Variants in VPS13C observed in about 807,000 individuals in gnomAD.
The protein encoded by VPS13C is vacuolar protein sorting 13 homolog C, also known as intermembrane lipid transfer protein VPS13C.
VPS13C carries 358 observed loss-of-function variants against 456.8 expected under a neutral mutation model. The ratio of observed to expected loss-of-function variants is 0.78; its 90% CI spans 0.72 to 0.86. The LOEUF is 0.86. Ranked by LOEUF, VPS13C falls within the 40% of genes least tolerant of loss-of-function variation. The pLI, the probability that VPS13C is intolerant of heterozygous loss-of-function variation, is 0.00. For missense variants in VPS13C, 4,818 were observed against 4,385.4 expected (o/e 1.10, Z -2.79); for synonymous variants, 1,578 against 1,486.7 (o/e 1.06, Z -1.41).
At chr15:61,868,089 A>T (rs1308676549) in intron 81 of VPS13C, 1 of 630,176 alleles carries the variant, frequency 1.6e-6, no homozygotes, top group African/African-American at 1.9e-5. Context: ...ATATTAATAC[A>T]TTTCTTTTGG....
chr15:61,962,015 C>A, intron 34 of VPS13C, 122 bp from the exon 35 acceptor site: 1 of 1,101,846 alleles, frequency 9.1e-7, no homozygotes, highest in Non-Finnish European at 1.3e-6. Context: ...TCCATTGAGC[C>A]CTATTTTTCT....
In VPS13C at chr15:61,978,770, C is replaced by G. The variant is rs772785547; in HGVS notation, c.2167-21G>C. 1.9e-6 allele frequency: 3 copies of G among 1,564,800 alleles called. No homozygotes were observed. In the South Asian group the frequency reaches 3.7e-5, roughly 19 times the overall value. On this transcript the variant is annotated intron_variant, in intron 22 of 84. Transcript: ENST00000644861. ...TTGAGCTAAAATGAAGGACAAATTT[C>G]AATTTTTTTTTCCAAAACAGAAAAG...
At chr15:61,990,301 C>A (rs2046184918) in intron 18 of VPS13C, among the ~76,000 whole-genome samples, 2 of 151,974 alleles carry the variant, frequency 1.3e-5, no homozygotes, top group Non-Finnish European at 2.9e-5. Flanking sequence ...AAGGTGACAG[C>A]AATATTCTAA....
rs749298187 is a variant in VPS13C at position 61,959,449 on chromosome 15, T to G, written c.4055A>C (p.Asn1352Thr). ...TTTTTTCTTCACTCATATACTTACA[T>G]TCATTGAATCAAGATGTCCTTTAAT... ...VEIKGHLDSMNVSLNQEDLNL... is the reference protein window; with the variant it reads ...VEIKGHLDSMTVSLNQEDLNL... The change falls in exon 36 of 85, where the codon AAT becomes ACT. Residue 1352 changes from asparagine to threonine, a missense_variant and splice_region_variant. By Grantham distance (65) the Asn-to-Thr change is moderately conservative. Around this residue, in one of 3 missense-constraint regions of VPS13C, gnomAD observed 4,552 missense variants for 4,130.6 expected, o/e 1.10. Transcript: ENST00000644861. 4 of 1,609,038 alleles carry G rather than the reference T, an allele frequency of 2.5e-6. No homozygotes were observed. The African/African-American group carries it at 5.3e-5, about 22-fold the overall frequency.
intron 37 of VPS13C, among the ~76,000 whole-genome samples, chr15:61,955,908 G>A (rs1353935776): frequency 6.6e-6 from 1 of 152,100 alleles, no homozygotes; most frequent in Non-Finnish European, 1.5e-5. Context: ...ACTATAGAAA[G>A]CAGTTTGGAG....
chr15:61,960,552 GT>G (rs1414213549), intron 35 of VPS13C, among the ~76,000 whole-genome samples: 3 of 152,118 alleles, frequency 2.0e-5, no homozygotes, highest in Non-Finnish European at 2.9e-5. Flanking sequence ...GAATGTCCTT[GT>G]TTATAGGAGA....
intron 48 of VPS13C, among the ~76,000 whole-genome samples, chr15:61,935,914 T>C (rs887276444): frequency 1.3e-5 from 2 of 152,170 alleles, no homozygotes; most frequent in African/African-American, 2.4e-5. Flanking sequence ...ATTTACTATA[T>C]GGGCAAGGGG....
chr15:61,870,843 C>A (rs996382250), intron 79 of VPS13C, among the ~76,000 whole-genome samples: 2 of 152,116 alleles, frequency 1.3e-5, no homozygotes, highest in Non-Finnish European at 2.9e-5. Flanking sequence ...AGTTTTGACT[C>A]GCATTTCCCT....
chr15:62,012,221 GACACACACACAC>G lies in VPS13C; in HGVS notation c.826-69_826-58del, dbSNP rs67220908. 46 of 511,106 alleles carry G rather than the reference GACACACACACAC, an allele frequency of 9.0e-5. No homozygotes were observed. In the Middle Eastern group the frequency reaches 1.7e-3, roughly 19 times the overall value. The allele number at this position is 511,106 out of a possible 1,614,324, so 31.7% of individuals were successfully genotyped here. On this transcript the variant is annotated intron_variant, in intron 11 of 84. Transcript: ENST00000644861. ...GAAAATGCACACATATTCAGACTCA[GACACACACACAC>G]ACACACACACACACACACACACACA...
intron 66 of VPS13C, among the ~76,000 whole-genome samples, chr15:61,893,786 T>G (rs773345954): frequency 6.6e-6 from 1 of 152,080 alleles, no homozygotes; most frequent in Non-Finnish European, 1.5e-5. Context: ...TCCTTTTTGG[T>G]TTCCTTGCTT....
At chr15:61,995,143 G>T (rs949392690) in intron 16 of VPS13C, among the ~76,000 whole-genome samples, 2 of 152,062 alleles carry the variant, frequency 1.3e-5, no homozygotes, top group African/African-American at 4.8e-5. Context: ...TATAAAAATT[G>T]CTCTTAAGTT....
chr15:61,881,485 CAA>C, intron 71 of VPS13C, 76 bp downstream of exon 71: 1 of 1,409,050 alleles, frequency 7.1e-7, no homozygotes, highest in East Asian at 2.4e-5. Flanking sequence ...AAGTCACTTT[CAA>C]AAAGAGTAAG....
chr15:61,877,087 C>A, intron 74 of VPS13C, 33 bp from the exon 75 acceptor site: 1 of 1,506,708 alleles, frequency 6.6e-7, no homozygotes, highest in South Asian at 1.2e-5. Context: ...TTCAAAGATA[C>A]TAATATTATA....
chr15:61,898,516 A>C (rs1452034676), intron 66 of VPS13C, among the ~76,000 whole-genome samples: 1 of 152,192 alleles, frequency 6.6e-6, no homozygotes, highest in Non-Finnish European at 1.5e-5. Context: ...AGGCCATTAC[A>C]TAATGGCAAA....
chr15:61,982,369 C>G (rs2045913403), intron 21 of VPS13C, 90 bp downstream of exon 21: 1 of 941,062 alleles, frequency 1.1e-6, no homozygotes, highest in South Asian at 1.9e-5. Context: ...AGAAAAAAAG[C>G]AACATAATAT....
chr15:61,872,458 C>G (rs1266513450), intron 78 of VPS13C, among the ~76,000 whole-genome samples: 1 of 151,954 alleles, frequency 6.6e-6, no homozygotes. Flanking sequence ...GTGTAGAAAA[C>G]TGAAAATAAA....
intron 62 of VPS13C, among the ~76,000 whole-genome samples, chr15:61,912,539 G>A (rs2043331071): frequency 6.8e-6 from 1 of 147,780 alleles, no homozygotes; most frequent in South Asian, 2.1e-4. Context: ...GACAAATTCA[G>A]GTTTTGCTCT....
intron 63 of VPS13C, among the ~76,000 whole-genome samples, 170 bp downstream of exon 63, chr15:61,911,670 C>CTAGTGTA (rs2043305677): frequency 1.3e-5 from 2 of 152,148 alleles, no homozygotes; most frequent in African/African-American, 4.8e-5. Flanking sequence ...ATTATCAAAA[C>CTAGTGTA]TTTTCTCCTT....
chr15:61,919,337 A>C lies in VPS13C; in HGVS notation c.7590T>G (p.Ile2530Met), dbSNP rs571626661. Reference protein sequence around the residue: ...ASHSDSVLVQIDATEGNKVIT... With the variant: ...ASHSDSVLVQMDATEGNKVIT... ...TTACTTTATTCCCTTCAGTTGCATC[A>C]ATTTGTACCAAGACAGAGTCAGAAT... The change falls in exon 58 of 85, where the codon ATT becomes ATG. Residue 2530 changes from isoleucine (I) to methionine (M), a missense_variant. Ile to Met is a conservative substitution (Grantham distance 10). Around this residue, in one of 3 missense-constraint regions of VPS13C, gnomAD observed 4,552 missense variants for 4,130.6 expected, o/e 1.10. Transcript: ENST00000644861. 3.1e-6 allele frequency: 5 copies of C among 1,606,968 alleles called. No individual in the cohort carries two copies. The Admixed American group carries it at 6.8e-5, about 22-fold the overall frequency.
Sources: gnomAD v4.1 joint callset for allele counts (sites outside exome capture counted in the v4.1 genomes callset) on GRCh38, gnomAD v4.1.1 for gene constraint, gnomAD v4.1.1 regional missense constraint, MANE v1.5 for transcripts, NCBI Gene and HGNC (gene_info 2026-07-23, HGNC 2026-07-21) for gene names.